ORC4: variants seen among roughly 807,000 people sequenced by gnomAD.
ORC4 encodes origin recognition complex subunit 4.
A neutral mutation model predicts 63.9 loss-of-function variants in ORC4; 55 were observed. The ratio of observed to expected loss-of-function variants is 0.86; its 90% CI spans 0.69 to 1.08. The LOEUF is 1.08. Among genes scored for constraint, ORC4 ranks in the 50% least tolerant of loss-of-function variants. The pLI is 0.00. For synonymous variants in ORC4, 150 were observed against 168.5 expected (o/e 0.89, Z 0.85); for missense variants, 511 against 504.4 (o/e 1.01, Z -0.13).
chr2:147,946,837 A>G (rs1017568801), intron 9 of ORC4, among the ~76,000 whole-genome samples: 2 of 152,166 alleles, frequency 1.3e-5, no homozygotes, highest in Non-Finnish European at 1.5e-5. Flanking sequence ...AAACTCTGCA[A>G]TGTTGTAGAC....
chr2:147,957,166 T>C (rs2105311057), intron 6 of ORC4, among the ~76,000 whole-genome samples: 1 of 147,588 alleles, frequency 6.8e-6, no homozygotes, highest in South Asian at 2.1e-4. Flanking sequence ...TATAATTATA[T>C]ATAATCTATT....
chr2:148,020,405 C>T (rs555608728), intron 1 of ORC4, among the ~76,000 whole-genome samples: 5 of 152,182 alleles, frequency 3.3e-5, no homozygotes, highest in African/African-American at 1.2e-4. Flanking sequence ...GATCCCTGCA[C>T]TTGTCAAGGA....
intron 1 of ORC4, among the ~76,000 whole-genome samples, chr2:147,994,106 T>C (rs911450643): frequency 1.3e-5 from 2 of 152,082 alleles, no homozygotes; most frequent in African/African-American, 4.8e-5. Flanking sequence ...CCATATACAT[T>C]AGCAACAACA....
intron 1 of ORC4, among the ~76,000 whole-genome samples, chr2:148,012,513 G>A (rs1693032823): frequency 6.6e-6 from 1 of 152,040 alleles, no homozygotes; most frequent in African/African-American, 2.4e-5. Context: ...AAAACTCCAG[G>A]ACATTGGTCT....
At chr2:148,007,049 G>A (rs934365866) in intron 1 of ORC4, among the ~76,000 whole-genome samples, 10 of 152,324 alleles carry the variant, frequency 6.6e-5, no homozygotes, top group African/African-American at 1.7e-4. Context: ...GACTCACAGC[G>A]TTCCTGTGCT....
At chr2:147,999,559 G>A (rs895946315) in intron 1 of ORC4, among the ~76,000 whole-genome samples, 2 of 152,138 alleles carry the variant, frequency 1.3e-5, no homozygotes, top group Admixed American at 6.6e-5. Context: ...AATCAAATAA[G>A]TCTCTAGACA....
intron 2 of ORC4, 74 bp downstream of exon 2, chr2:147,975,828 T>A: frequency 1.1e-6 from 1 of 903,164 alleles, no homozygotes; most frequent in Non-Finnish European, 1.9e-6. Flanking sequence ...AAAATTCAGG[T>A]TAAGAAGATA....
At chr2:147,986,018 C>T (rs979427895) in intron 1 of ORC4, among the ~76,000 whole-genome samples, 1 of 152,146 alleles carries the variant, frequency 6.6e-6, no homozygotes, top group East Asian at 1.9e-4. Flanking sequence ...TGAAAGAACA[C>T]GGTTATTATA....
intron 4 of ORC4, among the ~76,000 whole-genome samples, chr2:147,971,501 G>A: frequency 6.6e-6 from 1 of 151,774 alleles, no homozygotes. Flanking sequence ...AGAAGTGTAT[G>A]AAAAGATGCT....
At chr2:147,947,445 T>C (rs1412556572) in intron 9 of ORC4, among the ~76,000 whole-genome samples, 1 of 152,100 alleles carries the variant, frequency 6.6e-6, no homozygotes, top group Non-Finnish European at 1.5e-5. Context: ...GAGAATATTT[T>C]AAGCACAGGT....
At chr2:147,961,091 A>G (rs1486742175) in intron 4 of ORC4, among the ~76,000 whole-genome samples, 1 of 152,164 alleles carries the variant, frequency 6.6e-6, no homozygotes, top group Non-Finnish European at 1.5e-5. Flanking sequence ...ATTAGGGGTT[A>G]AAACAAACAA....
chr2:147,956,575 CT>C (rs1266842653), intron 6 of ORC4, among the ~76,000 whole-genome samples: 2 of 151,984 alleles, frequency 1.3e-5, no homozygotes, highest in Non-Finnish European at 2.9e-5. Context: ...CTTCGGCAAC[CT>C]AATTATGCTC....
At position 147,989,629 on chromosome 2, in the gene ORC4, C is replaced by A. The variant is rs1691451790; in HGVS notation, c.-17-13654G>T. Reference sequence around the variant, plus strand: ...ACTTGAGGCAGGAGAACTGCTTGAACCCAGGAGGCGGAGGTTGCAGTGAGC... The same window carrying A: ...ACTTGAGGCAGGAGAACTGCTTGAAACCAGGAGGCGGAGGTTGCAGTGAGC... On this transcript the variant is annotated intron_variant, in intron 1 of 13. Coordinates refer to ENST00000392857, the MANE Select transcript of ORC4 (RefSeq NM_181741.4). Among the ~76,000 whole-genome samples, 4 of 152,174 alleles carry A rather than the reference C, an allele frequency of 2.6e-5. No individual in the cohort carries two copies. In the South Asian group the frequency reaches 8.3e-4, roughly 32 times the overall value.
chr2:147,987,457 G>A (rs1691289581), intron 1 of ORC4, among the ~76,000 whole-genome samples: 1 of 149,230 alleles, frequency 6.7e-6, no homozygotes, highest in African/African-American at 2.5e-5. Flanking sequence ...CTACCATAAG[G>A]TAAAAAACAA....
chr2:147,937,861 G>C, intron 13 of ORC4: 1 of 363,632 alleles, frequency 2.8e-6, no homozygotes, highest in Non-Finnish European at 5.0e-6. Context: ...CCAATCCTTG[G>C]GTTGGAAAGG....
Position 147,943,473 on chromosome 2 carries a change from T to C in ORC4, c.812A>G (p.Asn271Ser), listed in dbSNP as rs1315227032. The change falls in exon 10 of 14, where the codon AAT (asparagine) becomes AGT (serine). Residue 271 changes from asparagine to serine, a missense_variant. Asn to Ser is a conservative substitution (Grantham distance 46, BLOSUM62 1). Transcript: ENST00000392857. Reference protein sequence around the residue: ...SVQEVLQKHFNISKNLRSLHM... With the variant: ...SVQEVLQKHFSISKNLRSLHM... ...TAATGACCGCAGGTTTTTGCTGATA[T>C]TGAAATGCTTCTGTAGTACTTCTTG... is the stretch of plus-strand genomic sequence containing the variant. 5 of 1,608,012 alleles carry C rather than the reference T, an allele frequency of 3.1e-6. No individual in the cohort carries two copies. In the Admixed American group the frequency reaches 6.7e-5, roughly 22 times the overall value.
At position 147,933,318 on chromosome 2, in the gene ORC4, T is replaced by C. The variant is rs1022764237; in HGVS notation, c.*2192A>G. On this transcript the variant is annotated 3_prime_UTR_variant, in exon 14 of 14. Coordinates refer to ENST00000392857, the MANE Select transcript of ORC4 (RefSeq NM_181741.4). ...AAGCAATTTAAGAGACGAAGTTAGC[T>C]CAAAACTCTTGCGAATAGATTTTAG... The C allele has an allele frequency of 6.6e-6, 1 of 152,104 alleles. No individual in the cohort carries two copies. Among genetic ancestry groups the C allele is most frequent in the Non-Finnish European group, 1.5e-5 (1 of 68,008 alleles). 9.4% of individuals were successfully genotyped at this position (152,104 alleles called of 1,614,324 possible).
At chr2:147,997,853 T>G (rs1197890213) in intron 1 of ORC4, among the ~76,000 whole-genome samples, 1 of 152,188 alleles carries the variant, frequency 6.6e-6, no homozygotes, top group Non-Finnish European at 1.5e-5. Flanking sequence ...AATTTCTAAG[T>G]GTAAATTATG....
chr2:148,021,489 GCTGCTGCTA>G (rs1693725315), upstream of ORC4: 2 of 577,568 alleles, frequency 3.5e-6, no homozygotes, highest in East Asian at 4.5e-5. Context: ...TGTTGCTGCT[GCTGCTGCTA>G]CTGCTGCTGC....
Sources: allele counts gnomAD v4.1 joint callset (sites outside exome capture counted in the v4.1 genomes callset), GRCh38; gene constraint gnomAD v4.1.1; transcripts MANE v1.5; gene names NCBI Gene and HGNC (gene_info 2026-07-23, HGNC 2026-07-21).